The following ATXN2 variants were observed in gnomAD, a reference collection of about 807,000 sequenced individuals.
The protein encoded by ATXN2 is ataxin 2, also known as ataxin-2.
ATXN2 carries 37 observed loss-of-function variants against 138.6 expected under a neutral mutation model. That is an observed-to-expected ratio of 0.27 (90% confidence interval 0.21 to 0.35). ATXN2 has a LOEUF of 0.35. Ranked by LOEUF, ATXN2 falls within the 10% of genes least tolerant of loss-of-function variation. The probability of loss-of-function intolerance (pLI) is 1.00; values close to 1 mark genes in which losing one functional copy is unlikely to be tolerated. For synonymous variants in ATXN2, 549 were observed against 543.7 expected (o/e 1.01, Z -0.13); for missense variants, 1,216 against 1,480.3 (o/e 0.82, Z 2.93).
chr12:111,457,603 T>G, intron 21 of ATXN2: 1 of 372,154 alleles, frequency 2.7e-6, no homozygotes, highest in East Asian at 4.8e-5. Flanking sequence ...ATCAAATTAG[T>G]TTGCATTTAC....
chr12:111,594,362 A>G (rs1409936137), intron 1 of ATXN2, among the ~76,000 whole-genome samples: 5 of 151,030 alleles, frequency 3.3e-5, no homozygotes, highest in African/African-American at 1.2e-4. Flanking sequence ...TTTTTGAGAT[A>G]GAGTCTCACT....
intron 5 of ATXN2, among the ~76,000 whole-genome samples, chr12:111,543,896 T>C (rs1233268900): frequency 2.0e-5 from 3 of 152,122 alleles, no homozygotes; most frequent in South Asian, 2.1e-4. Context: ...GGAAACATAG[T>C]GAGAACCAGT....
intron 20 of ATXN2, among the ~76,000 whole-genome samples, chr12:111,465,903 C>T (rs1171745914): frequency 3.3e-5 from 5 of 151,580 alleles, no homozygotes; most frequent in South Asian, 2.1e-4. Context: ...CAGTGGCTCA[C>T]GCCTGTAATC....
intron 1 of ATXN2, among the ~76,000 whole-genome samples, chr12:111,571,463 T>C (rs563751768): frequency 6.6e-6 from 1 of 152,034 alleles, no homozygotes; most frequent in South Asian, 2.1e-4. Context: ...TCATGGAAAA[T>C]TTGGGCTAGA....
At chr12:111,595,527 A>G (rs1884890864) in intron 1 of ATXN2, among the ~76,000 whole-genome samples, 1 of 151,936 alleles carries the variant, frequency 6.6e-6, no homozygotes, top group African/African-American at 2.4e-5. Flanking sequence ...CTGTAGCCCC[A>G]GCTACTCAAG....
rs1284193817 is a variant in ATXN2, at chr12:111,552,756, C to G, written c.420+150G>C. 1 of 585,028 alleles carries G rather than the reference C, an allele frequency of 1.7e-6. No homozygotes were observed. The highest frequency in any genetic ancestry group is 2.0e-5 in the African/African-American group (1 of 50,856). 36.2% of individuals were successfully genotyped at this position (585,028 alleles called of 1,614,324 possible). A position where few individuals can be genotyped will look rare whatever the true frequency, so the allele number is the denominator to read the frequency against. ...TTTAATAAGCACACACATCAAGAAGCCTCTCTGATTACACAAACCAGTCTA... is the reference window on the plus strand; with the variant it reads ...TTTAATAAGCACACACATCAAGAAGGCTCTCTGATTACACAAACCAGTCTA... On this transcript the variant is annotated intron_variant, in intron 4 of 24. Transcript: ENST00000673436. The surrounding 1 kb of genome is among the most constrained non-coding windows in gnomAD (Gnocchi z 4.1).
chr12:111,599,318 C>T, upstream of ATXN2: 2 of 426,174 alleles, frequency 4.7e-6, no homozygotes, highest in Non-Finnish European at 5.4e-6. Context: ...CGAGCTCTGC[C>T]GGGAGGGAGG....
At position 111,554,195 on chromosome 12, in the gene ATXN2, G is replaced by T; in HGVS notation, c.311C>A (p.Ala104Glu). 2 of 1,461,780 alleles carry T rather than the reference G, an allele frequency of 1.4e-6. No individual in the cohort carries two copies. The highest frequency in any genetic ancestry group is 1.5e-5 in the African/African-American group (1 of 68,462). 90.6% of individuals were successfully genotyped at this position (1,461,780 alleles called of 1,614,324 possible). A position where few individuals can be genotyped will look rare whatever the true frequency, so the allele number is the denominator to read the frequency against. Reference protein sequence around the residue: ...QSTISFDGIYANMRMVHILTS... With the variant: ...QSTISFDGIYENMRMVHILTS... ...AAGTATATGAACCATCCTCATATTT[G>T]CATAGATTCCATCAAAAGAAATCTG... The change falls in exon 3 of 25, where the codon GCA becomes GAA. Residue 104 changes from alanine (A) to glutamate (E), a missense_variant. Ala to Glu is a moderately radical substitution (Grantham distance 107). Coordinates refer to ENST00000673436, the MANE Select transcript of ATXN2 (RefSeq NM_001372574.1).
At chr12:111,546,196 T>C (rs2135777925) in intron 5 of ATXN2, among the ~76,000 whole-genome samples, 1 of 152,308 alleles carries the variant, frequency 6.6e-6, no homozygotes, top group South Asian at 2.1e-4. Flanking sequence ...AAGCATGCAA[T>C]TAGTTGTAAG....
At chr12:111,474,062 A>C (rs1473907469) in intron 18 of ATXN2, among the ~76,000 whole-genome samples, 1 of 152,196 alleles carries the variant, frequency 6.6e-6, no homozygotes, top group Non-Finnish European at 1.5e-5. Flanking sequence ...CTCTACAAAA[A>C]ATACAAAAAT....
At chr12:111,599,344 C>T (rs1157671392), upstream of ATXN2, 42 of 53,806 alleles carry the variant, frequency 7.8e-4, 1 homozygote, top group Non-Finnish European at 1.1e-3. Flanking sequence ...CGGGGCCGGG[C>T]GGGGGAGGGG....
At chr12:111,506,714 GC>G (rs1879143293) in intron 14 of ATXN2, among the ~76,000 whole-genome samples, 1 of 147,458 alleles carries the variant, frequency 6.8e-6, no homozygotes, top group African/African-American at 2.5e-5. Context: ...CTGATGCCGA[GC>G]CGAAGCTAGA....
chr12:111,468,559 G>A (rs1352317202), intron 20 of ATXN2: 1 of 152,204 alleles, frequency 6.6e-6, no homozygotes, highest in Non-Finnish European at 1.5e-5. Flanking sequence ...CAGGTGACAG[G>A]AAGGATGATT....
At position 111,488,583 on chromosome 12, in the gene ATXN2, G is replaced by A. The variant is rs747436434; in HGVS notation, c.2133C>T (p.Asn711=). The change falls in exon 15 of 25, where the codon AAC becomes AAT. Residue 711 remains asparagine, a synonymous_variant. Transcript: ENST00000673436. ...SPSISPSILS[N]TEHKRGPEVT... ...CCTCAGGTCCCCTCTTGTGCTCCGT[G>A]TTACTAAGTATTGAAGGGGAAATGC... The A allele has an allele frequency of 6.2e-7, 1 of 1,614,176 alleles. No homozygotes were observed. The highest frequency in any genetic ancestry group is 8.5e-7 in the Non-Finnish European group (1 of 1,180,030).
Position 111,584,377 on chromosome 12 carries a change from C to CAAAAAA in ATXN2, c.251+14401_251+14406dup, listed in dbSNP as rs58678794. On this transcript the variant is annotated intron_variant, in intron 1 of 24. Coordinates refer to ENST00000673436, the MANE Select transcript of ATXN2 (RefSeq NM_001372574.1). Reference sequence around the variant, plus strand: ...AGCCTTGGTGACAGAGACCCTGTCTCAAAAAAAAAAAAAAAAAAAAAAAAA... The same window carrying CAAAAAA: ...AGCCTTGGTGACAGAGACCCTGTCTCAAAAAAAAAAAAAAAAAAAAAAAAAAAAAAA... Among the ~76,000 whole-genome samples the CAAAAAA allele has an allele frequency of 2.0e-3, 88 of 44,748 alleles. 13 individuals are homozygous for CAAAAAA. Among genetic ancestry groups the CAAAAAA allele is most frequent in the South Asian group, 8.0e-3 (6 of 748 alleles). The allele number at this position is 44,748 out of a possible 152,430, so 29.4% of individuals were successfully genotyped here.
At chr12:111,579,840 C>T (rs148786180) in intron 1 of ATXN2, among the ~76,000 whole-genome samples, 5 of 151,788 alleles carry the variant, frequency 3.3e-5, no homozygotes, top group African/African-American at 1.2e-4. Flanking sequence ...GCTGGGATTA[C>T]AGGAGCGCGC....
At chr12:111,520,816 C>T (rs954823501) in intron 7 of ATXN2, 66 bp downstream of exon 7, 3 of 884,342 alleles carry the variant, frequency 3.4e-6, no homozygotes, top group African/African-American at 3.5e-5. Context: ...ATTTATTCAT[C>T]ATAAATTAAG....
At chr12:111,509,858 A>T in intron 13 of ATXN2, 33 bp downstream of exon 13, 1 of 1,470,278 alleles carries the variant, frequency 6.8e-7, no homozygotes, top group Non-Finnish European at 9.5e-7. Context: ...TCCTATTCCT[A>T]CAGTTAAGCT....
chr12:111,455,047 G>A (rs1272527945), intron 23 of ATXN2: 1 of 703,012 alleles, frequency 1.4e-6, no homozygotes, highest in African/African-American at 1.7e-5. Context: ...CTACTTACAA[G>A]GTAGCCTTCT....
Sources: gnomAD v4.1 joint callset for allele counts (sites outside exome capture counted in the v4.1 genomes callset) on GRCh38, gnomAD v4.1.1 for gene constraint, Gnocchi (gnomAD v3.1) non-coding constraint, MANE v1.5 for transcripts, NCBI Gene and HGNC (gene_info 2026-07-23, HGNC 2026-07-21) for gene names.